ANAPC5: variants seen among roughly 807,000 people sequenced by gnomAD.
The protein encoded by ANAPC5 is anaphase promoting complex subunit 5, also known as anaphase-promoting complex subunit 5.
In ANAPC5, 60 loss-of-function variants were observed where a neutral mutation model predicts 91.3. That is an observed-to-expected ratio of 0.66 (90% CI 0.53 to 0.81). ANAPC5 has a LOEUF of 0.81. ANAPC5 is among the 40% of genes least tolerant of loss of function. The pLI is 0.00. For synonymous variants in ANAPC5, 340 were observed against 364.1 expected (o/e 0.93, Z 0.75); for missense variants, 690 against 931.5 (o/e 0.74, Z 3.37).
At chr12:121,330,483 C>A in intron 9 of ANAPC5, 100 bp downstream of exon 9, 1 of 898,374 alleles carries the variant, frequency 1.1e-6, no homozygotes, top group Non-Finnish European at 1.7e-6. Context: ...ACTTTGAAAC[C>A]CATTCTAAAT....
In ANAPC5 at chr12:121,308,281, G is replaced by A. The variant is rs1223908571; in HGVS notation, c.*199C>T. On this transcript the variant is annotated 3_prime_UTR_variant, in exon 17 of 17. Transcript: ENST00000261819. ...ATACCCATTTATTAAGAAAAAGTTG[G>A]TGTCCTTTGCTACCAAAAGGGAAGA... 1.8e-5 allele frequency: 10 copies of A among 555,996 alleles called. No individual in the cohort carries two copies. The Admixed American group carries it at 3.1e-4, about 17-fold the overall frequency. The allele number at this position is 555,996 out of a possible 1,614,324, so 34.4% of individuals were successfully genotyped here.
intron 15 of ANAPC5, among the ~76,000 whole-genome samples, chr12:121,310,811 G>C (rs1902136218): frequency 1.3e-5 from 2 of 151,130 alleles, no homozygotes; most frequent in South Asian, 4.2e-4. Context: ...GCACGCACCT[G>C]TAATCTCAGT....
At chr12:121,346,315 G>A (rs1903665917) in intron 3 of ANAPC5, 2 of 274,792 alleles carry the variant, frequency 7.3e-6, no homozygotes, top group South Asian at 2.6e-4. Context: ...ATATTTATGT[G>A]TTTACTTTTA....
chr12:121,320,138 G>A (rs1902538805), intron 12 of ANAPC5, among the ~76,000 whole-genome samples: 1 of 151,972 alleles, frequency 6.6e-6, no homozygotes, highest in Non-Finnish European at 1.5e-5. Flanking sequence ...CACTCAATTT[G>A]GTATTTATCA....
intron 11 of ANAPC5, 50 bp downstream of exon 11, chr12:121,327,045 TG>T: frequency 6.5e-7 from 1 of 1,537,354 alleles, no homozygotes; most frequent in African/African-American, 1.4e-5. Context: ...AGGAAAGAAA[TG>T]GTAGAGCCTC....
chr12:121,317,557 C>T (rs1902419725), intron 15 of ANAPC5, among the ~76,000 whole-genome samples: 1 of 151,360 alleles, frequency 6.6e-6, no homozygotes, highest in Non-Finnish European at 1.5e-5. Context: ...TGGCCATGTA[C>T]ATTTTATCTC....
At chr12:121,341,202 G>T (rs1374986080) in intron 5 of ANAPC5, among the ~76,000 whole-genome samples, 3 of 151,902 alleles carry the variant, frequency 2.0e-5, no homozygotes. Context: ...GGGCACGCTG[G>T]TTCATGTCTG....
At chr12:121,327,471 C>G in intron 10 of ANAPC5, 1 of 506,108 alleles carries the variant, frequency 2.0e-6, no homozygotes, top group Non-Finnish European at 3.5e-6. Flanking sequence ...TGGGAGTACA[C>G]GCTCCCAGAT....
intron 11 of ANAPC5, chr12:121,326,485 G>C (rs1295285669): frequency 6.6e-6 from 1 of 152,194 alleles, no homozygotes; most frequent in Non-Finnish European, 1.5e-5. Context: ...CCCTTATAAA[G>C]AGAATCTCGT....
intron 11 of ANAPC5, among the ~76,000 whole-genome samples, chr12:121,323,918 G>A (rs1902714546): frequency 6.6e-6 from 1 of 152,144 alleles, no homozygotes; most frequent in Admixed American, 6.6e-5. Context: ...CAATTCCTGA[G>A]ACTGAGAGAG....
intron 5 of ANAPC5, 113 bp downstream of exon 5, chr12:121,341,890 A>C: frequency 1.4e-6 from 1 of 720,168 alleles, no homozygotes; most frequent in Non-Finnish European, 2.2e-6. Context: ...GCTGACACAG[A>C]CTGACCAACA....
rs371470685 is a variant in ANAPC5, at chr12:121,328,636, T to C, written c.1123-139A>G. ...ATTTAAAAGGAAAGTACCTATAACC[T>C]GGCCTTAACCCTGAGCCATACGAGA... On this transcript the variant is annotated intron_variant, in intron 9 of 16. Coordinates refer to ENST00000261819, the MANE Select transcript of ANAPC5 (RefSeq NM_016237.5). The C allele has an allele frequency of 2.1e-5, 16 of 773,990 alleles. No individual in the cohort carries two copies. The South Asian group carries it at 2.4e-4, about 12-fold the overall frequency. The allele number at this position is 773,990 out of a possible 1,614,324, so 47.9% of individuals were successfully genotyped here. A position where few individuals can be genotyped will look rare whatever the true frequency, so the allele number is the denominator to read the frequency against.
At chr12:121,353,231 A>G (rs1555275691), upstream of ANAPC5, among the ~76,000 whole-genome samples, 1 of 152,142 alleles carries the variant, frequency 6.6e-6, no homozygotes, top group Non-Finnish European at 1.5e-5. Flanking sequence ...AAAGCCCTCC[A>G]AAAGCAATCC....
intron 3 of ANAPC5, chr12:121,346,429 A>G (rs1330438973): frequency 5.5e-6 from 1 of 181,330 alleles, no homozygotes; most frequent in Non-Finnish European, 1.1e-5. Context: ...GAAATAGCTC[A>G]CGCTGAATAA....
At chr12:121,312,257 G>A (rs1381510157) in intron 15 of ANAPC5, among the ~76,000 whole-genome samples, 1 of 152,088 alleles carries the variant, frequency 6.6e-6, no homozygotes, top group Non-Finnish European at 1.5e-5. Context: ...AATGCAATGA[G>A]GTGTATAAAA....
intron 15 of ANAPC5, among the ~76,000 whole-genome samples, chr12:121,315,699 G>A (rs1593575089): frequency 6.6e-6 from 1 of 152,066 alleles, no homozygotes; most frequent in African/African-American, 2.4e-5. Context: ...ACCATTAAAT[G>A]GGGAAAGAGG....
chr12:121,335,514 C>G lies in ANAPC5; in HGVS notation c.950+19G>C. On this transcript the variant is annotated intron_variant, in intron 7 of 16. Transcript: ENST00000261819. ...TCGGTTCCTTCAATTTGCGCAAGGA[C>G]AAAGGTCTATAAACTTACTAGTGAC... is the stretch of plus-strand genomic sequence containing the variant. 6.3e-7 allele frequency: 1 copy of G among 1,575,764 alleles called. No individual in the cohort carries two copies. The highest frequency in any genetic ancestry group is 1.1e-5 in the South Asian group (1 of 88,134).
intron 1 of ANAPC5, among the ~76,000 whole-genome samples, 166 bp from the exon 2 acceptor site, chr12:121,348,047 T>G (rs1903739723): frequency 6.6e-6 from 1 of 152,220 alleles, no homozygotes; most frequent in Admixed American, 6.5e-5. Context: ...ACTTCACATT[T>G]GCATACCATT....
intron 2 of ANAPC5, 22 bp downstream of exon 2, chr12:121,347,780 T>C (rs1555274838): frequency 3.2e-6 from 5 of 1,568,914 alleles, no homozygotes; most frequent in Non-Finnish European, 4.4e-6. Context: ...TTTTCATATA[T>C]AAAGAAGAAA....
Sources: allele counts gnomAD v4.1 joint callset (sites outside exome capture counted in the v4.1 genomes callset), GRCh38; gene constraint gnomAD v4.1.1; transcripts MANE v1.5; gene names NCBI Gene and HGNC (gene_info 2026-07-23, HGNC 2026-07-21).